TENM1: variants seen among roughly 807,000 people sequenced by gnomAD.
The protein encoded by TENM1 is teneurin-1.
TENM1 carries 35 observed loss-of-function variants against 174.8 expected under a neutral mutation model. The ratio of observed to expected loss-of-function variants is 0.20; its 90% CI spans 0.15 to 0.27. The LOEUF (loss-of-function observed/expected upper bound fraction) is 0.27, where lower values mean the gene tolerates loss of function less well. Ranked by LOEUF, TENM1 falls within the 10% of genes least tolerant of loss-of-function variation. The pLI is 1.00. For missense variants in TENM1, 1,633 were observed against 2,130.1 expected (o/e 0.77, Z 4.59); for synonymous variants, 781 against 798.7 (o/e 0.98, Z 0.37).
chrX:125,108,391 G>A, the TENM1 span, among the ~76,000 whole-genome samples: 1 of 111,476 alleles, frequency 9.0e-6, no homozygotes, highest in Non-Finnish European at 1.9e-5. Flanking sequence ...TTATTAAATA[G>A]GGATAATAAT....
intron 1 of TENM1, among the ~76,000 whole-genome samples, chrX:124,935,058 T>TG (rs1290926266): frequency 1.8e-5 from 2 of 109,234 alleles, no homozygotes; most frequent in Non-Finnish European, 3.8e-5. Flanking sequence ...ATTAATGCTT[T>TG]GGGGCACCAT....
chrX:124,500,303 T>C (rs767311804), intron 19 of TENM1, among the ~76,000 whole-genome samples: 3 of 111,754 alleles, frequency 2.7e-5, no homozygotes, highest in Non-Finnish European at 5.7e-5. Flanking sequence ...CCTGGAAAAA[T>C]AGATCATTTT....
chrX:125,184,979 A>G, the TENM1 span, among the ~76,000 whole-genome samples: 1 of 111,746 alleles, frequency 8.9e-6, no homozygotes, highest in Non-Finnish European at 1.9e-5. Flanking sequence ...GCTCCATTTG[A>G]ATTATACCTA....
At chrX:124,790,633 G>T (rs1405047489) in intron 3 of TENM1, among the ~76,000 whole-genome samples, 1 of 111,877 alleles carries the variant, frequency 8.9e-6, no homozygotes, top group Admixed American at 9.5e-5. Flanking sequence ...GAACATCAAA[G>T]ACTATTAATT....
intron 1 of TENM1, among the ~76,000 whole-genome samples, chrX:124,910,145 C>T (rs777392282): frequency 8.9e-6 from 1 of 112,294 alleles, no homozygotes; most frequent in African/African-American, 3.2e-5. Flanking sequence ...CTCTTTACCT[C>T]CACACTATCA....
intron 3 of TENM1, among the ~76,000 whole-genome samples, chrX:124,739,607 C>G (rs2053755418): frequency 8.9e-6 from 1 of 112,374 alleles, no homozygotes; most frequent in Admixed American, 9.4e-5. Flanking sequence ...AGCACTCTTT[C>G]CATTATGCTA....
chrX:124,685,568 T>C (rs1218006341), intron 5 of TENM1, among the ~76,000 whole-genome samples: 2 of 108,631 alleles, frequency 1.8e-5, no homozygotes, highest in Admixed American at 9.7e-5. Context: ...TCTGTTTTTT[T>C]TTTTTTTTGA....
intron 28 of TENM1, among the ~76,000 whole-genome samples, chrX:124,388,026 G>T (rs1328800024): frequency 8.9e-6 from 1 of 112,322 alleles, no homozygotes; most frequent in Non-Finnish European, 1.9e-5. Flanking sequence ...GTGGCAGGGG[G>T]CAGGGGTGGA....
At chrX:125,036,100 C>G in the TENM1 span, among the ~76,000 whole-genome samples, 10,269 of 111,230 alleles carry the variant, frequency 0.092, 454 homozygotes, top group South Asian at 0.16. Flanking sequence ...ATTGACATTT[C>G]ACAAACAGAG....
the TENM1 span, among the ~76,000 whole-genome samples, chrX:125,089,236 T>C: frequency 8.9e-6 from 1 of 111,899 alleles, no homozygotes; most frequent in African/African-American, 3.2e-5. Flanking sequence ...TCTGTTATAG[T>C]TTTCCCAAAT....
At chrX:124,843,110 T>C (rs1410858338) in intron 3 of TENM1, among the ~76,000 whole-genome samples, 1 of 111,405 alleles carries the variant, frequency 9.0e-6, no homozygotes, top group Non-Finnish European at 1.9e-5. Flanking sequence ...CATTTTTGCC[T>C]TGTCCGAGCT....
the TENM1 span, among the ~76,000 whole-genome samples, chrX:124,993,082 C>G: frequency 1.8e-5 from 2 of 110,833 alleles, no homozygotes; most frequent in Middle Eastern, 9.2e-3. Flanking sequence ...CCCCTCCAAC[C>G]ATCTCCGGTT....
At chrX:124,867,632 T>C (rs1473132984) in intron 3 of TENM1, among the ~76,000 whole-genome samples, 1 of 111,999 alleles carries the variant, frequency 8.9e-6, no homozygotes, top group Admixed American at 9.4e-5. Context: ...TTGGAAGTCC[T>C]AGCTAGAGTA....
chrX:124,606,293 T>C (rs1187496492), intron 11 of TENM1, among the ~76,000 whole-genome samples: 3 of 111,330 alleles, frequency 2.7e-5, no homozygotes, highest in Non-Finnish European at 5.7e-5. Context: ...GTTGACACTC[T>C]TCCATTTCTC....
chrX:124,569,954 A>C (rs2049021570), intron 11 of TENM1, among the ~76,000 whole-genome samples: 1 of 111,774 alleles, frequency 8.9e-6, no homozygotes, highest in African/African-American at 3.2e-5. Flanking sequence ...TCAGACCAAT[A>C]AAATTGATAA....
intron 1 of TENM1, among the ~76,000 whole-genome samples, chrX:124,953,670 CCAAAAA>C (rs1426407088): frequency 9.0e-6 from 1 of 111,529 alleles, no homozygotes; most frequent in Non-Finnish European, 1.9e-5. Context: ...ATTATGTACC[CCAAAAA>C]CCAGTTGCTT....
At chrX:125,061,546 G>A in the TENM1 span, among the ~76,000 whole-genome samples, 1 of 112,079 alleles carries the variant, frequency 8.9e-6, no homozygotes, top group Non-Finnish European at 1.9e-5. Context: ...CAGCATACAA[G>A]TAGAGGAAAC....
At chrX:124,804,361 A>G (rs1489479181) in intron 3 of TENM1, among the ~76,000 whole-genome samples, 1 of 112,339 alleles carries the variant, frequency 8.9e-6, no homozygotes, top group Non-Finnish European at 1.9e-5. Context: ...ATGTGCCAGA[A>G]ACTGGCTAAA....
At chrX:124,945,343 A>G (rs1312365375) in intron 1 of TENM1, among the ~76,000 whole-genome samples, 1 of 111,318 alleles carries the variant, frequency 9.0e-6, no homozygotes, top group African/African-American at 3.3e-5. Context: ...CTGTGTCCTC[A>G]GTGAGATGGC....
Sources: gnomAD v4.1 joint callset for allele counts (sites outside exome capture counted in the v4.1 genomes callset) on GRCh38, gnomAD v4.1.1 for gene constraint, MANE v1.5 for transcripts, NCBI Gene and HGNC (gene_info 2026-07-23, HGNC 2026-07-21) for gene names.